The following TNFRSF8 variants were observed in gnomAD, a reference collection of about 807,000 sequenced individuals.
The protein encoded by TNFRSF8 is TNF receptor superfamily member 8, also known as tumor necrosis factor receptor superfamily member 8.
TNFRSF8 carries 26 observed loss-of-function variants against 70.8 expected under a neutral mutation model. That is an observed-to-expected ratio of 0.37 (90% CI 0.27 to 0.51). The LOEUF (loss-of-function observed/expected upper bound fraction) is 0.51, where lower values mean the gene tolerates loss of function less well. Among genes scored for constraint, TNFRSF8 ranks in the 20% least tolerant of loss-of-function variants. The probability of loss-of-function intolerance (pLI) is 0.94; values close to 1 mark genes in which losing one functional copy is unlikely to be tolerated. For missense variants in TNFRSF8, 720 were observed against 807.9 expected, an observed-to-expected ratio of 0.89 and a Z score of 1.32; for synonymous variants, 356 against 339.2, an observed-to-expected ratio of 1.05 and a Z score of -0.54.
chr1:12,125,210 A>G (rs762891193), intron 10 of TNFRSF8, among the ~76,000 whole-genome samples: 7 of 152,230 alleles, frequency 4.6e-5, no homozygotes, highest in Non-Finnish European at 8.8e-5. Flanking sequence ...CACTAGCTCT[A>G]TGATCTCTGT....
At chr1:12,091,030 A>T (rs1641240215) in intron 2 of TNFRSF8, among the ~76,000 whole-genome samples, 1 of 152,186 alleles carries the variant, frequency 6.6e-6, no homozygotes, top group Admixed American at 6.5e-5. Flanking sequence ...CAGAGACAAG[A>T]CTGTGGGAGG....
At position 12,067,818 on chromosome 1, in the gene TNFRSF8, A is replaced by G. The variant is rs565140740; in HGVS notation, c.63+4157A>G. On this transcript the variant is annotated intron_variant, in intron 1 of 14. Transcript: ENST00000263932. ...GAATTTCAGGGAGTGGCAAGAGGGCAGGAGAGATTTTCTGGTTTTGTTTTG... is the reference window on the plus strand; with the variant it reads ...GAATTTCAGGGAGTGGCAAGAGGGCGGGAGAGATTTTCTGGTTTTGTTTTG... Among the ~76,000 whole-genome samples, 35 of 147,532 alleles carry G rather than the reference A, an allele frequency of 2.4e-4. 3 individuals are homozygous for G. In the East Asian group the frequency reaches 7.2e-3, roughly 30 times the overall value.
At chr1:12,071,915 T>G (rs538340591) in intron 1 of TNFRSF8, among the ~76,000 whole-genome samples, 4 of 152,290 alleles carry the variant, frequency 2.6e-5, no homozygotes, top group Admixed American at 2.0e-4. Flanking sequence ...CAGGATGGTT[T>G]CGAACTCCTG....
At chr1:12,103,206 T>C (rs935028949) in intron 3 of TNFRSF8, among the ~76,000 whole-genome samples, 2 of 151,942 alleles carry the variant, frequency 1.3e-5, no homozygotes, top group Admixed American at 6.6e-5. Flanking sequence ...TCTATAAAAA[T>C]ACAAAAAATT....
At chr1:12,130,345 A>T (rs373333115) in intron 12 of TNFRSF8, among the ~76,000 whole-genome samples, 194 of 152,224 alleles carry the variant, frequency 1.3e-3, no homozygotes, top group African/African-American at 4.5e-3. Context: ...GGTCAGGGAG[A>T]GCCCCTTTAA....
intron 8 of TNFRSF8, among the ~76,000 whole-genome samples, chr1:12,116,972 G>A (rs1171217282): frequency 6.6e-6 from 1 of 152,010 alleles, no homozygotes; most frequent in African/African-American, 2.4e-5. Flanking sequence ...TAGTGGCCTG[G>A]GACTACTAAA....
In TNFRSF8 at chr1:12,138,192, G is replaced by A; in HGVS notation, c.1336-37G>A. The A allele has an allele frequency of 1.2e-6, 2 of 1,603,766 alleles. No individual in the cohort carries two copies. Among genetic ancestry groups the A allele is most frequent in the Non-Finnish European group, 8.5e-7 (1 of 1,172,938 alleles). The stretch of plus-strand genomic sequence containing the variant: ...AGTTCAGAGACTGGTGGGGAGGTTG[G>A]GGGTACCCTGCAGCAGCACCCATTC... On this transcript the variant is annotated intron_variant, in intron 13 of 14. Transcript: ENST00000263932. The surrounding 1 kb of genome is among the most constrained non-coding windows in gnomAD (Gnocchi z 5.7).
At position 12,126,893 on chromosome 1, in the gene TNFRSF8, A is replaced by G. The variant is rs960010878; in HGVS notation, c.1309+657A>G. Among the ~76,000 whole-genome samples, 5 of 152,138 alleles carry G rather than the reference A, an allele frequency of 3.3e-5. No homozygotes were observed. The East Asian group carries it at 7.7e-4, about 23-fold the overall frequency. The stretch of plus-strand genomic sequence containing the variant: ...TGCCTGCAATCGGTGGCTGCTGCCT[A>G]TTGACAGGCTGGCCTGTGCCTGGGG... On this transcript the variant is annotated intron_variant, in intron 12 of 14. Transcript: ENST00000263932.
chr1:12,104,747 G>C (rs1442757216), intron 4 of TNFRSF8, among the ~76,000 whole-genome samples: 1 of 152,208 alleles, frequency 6.6e-6, no homozygotes, highest in East Asian at 1.9e-4. Context: ...AGACCCTGCT[G>C]TCCCCTGGCA....
intron 7 of TNFRSF8, among the ~76,000 whole-genome samples, chr1:12,114,130 T>G (rs2101011111): frequency 6.6e-6 from 1 of 152,230 alleles, no homozygotes; most frequent in African/African-American, 2.4e-5. Flanking sequence ...AGAACCCGAG[T>G]GCCGGGTTCA....
In TNFRSF8 at chr1:12,141,467, C is replaced by T. The variant is rs548390326; in HGVS notation, c.1544-820C>T. ...CGAGGACCGGCCCTCCGTCCAAGCT[C>T]CCACCATGTGCTCACAGCACAGCCA... On this transcript the variant is annotated intron_variant, in intron 14 of 14. Transcript: ENST00000263932. This position sits in a 1 kb window ranked among gnomAD's most constrained non-coding sequence, Gnocchi z 5.4. Among the ~76,000 whole-genome samples, 2 of 152,378 alleles carry T rather than the reference C, an allele frequency of 1.3e-5. No homozygotes were observed. Among genetic ancestry groups the T allele is most frequent in the East Asian group, 3.9e-4 (2 of 5,188 alleles).
chr1:12,134,892 G>A (rs1485636371), intron 12 of TNFRSF8, among the ~76,000 whole-genome samples: 3 of 152,156 alleles, frequency 2.0e-5, no homozygotes, highest in East Asian at 1.9e-4. Flanking sequence ...AGCCACAGAC[G>A]AGCCTCTGAC....
chr1:12,122,807 C>G (rs946203926), intron 8 of TNFRSF8, among the ~76,000 whole-genome samples: 2 of 152,120 alleles, frequency 1.3e-5, no homozygotes, highest in African/African-American at 4.8e-5. Context: ...GTGACCACAG[C>G]TGTTAGAGAC....
At chr1:12,103,101 C>T (rs758368074) in intron 3 of TNFRSF8, among the ~76,000 whole-genome samples, 2 of 151,988 alleles carry the variant, frequency 1.3e-5, no homozygotes, top group Admixed American at 6.6e-5. Flanking sequence ...CAGTGGCTCA[C>T]GCCTGTAATC....
In TNFRSF8 at chr1:12,142,051, G is replaced by A. The variant is rs1391187255; in HGVS notation, c.1544-236G>A. ...CCCTACCCATCCGCAGAGATGTGCTGAGAAAATCCTAAGTACAAGTGGGCT... is the reference window on the plus strand; with the variant it reads ...CCCTACCCATCCGCAGAGATGTGCTAAGAAAATCCTAAGTACAAGTGGGCT... On this transcript the variant is annotated intron_variant, in intron 14 of 14. Coordinates refer to ENST00000263932, the MANE Select transcript of TNFRSF8 (RefSeq NM_001243.5). The surrounding 1 kb of genome is among the most constrained non-coding windows in gnomAD (Gnocchi z 5.0). 1.3e-5 allele frequency among the ~76,000 whole-genome samples: 2 copies of A among 152,212 alleles called. No homozygotes were observed. The highest frequency in any genetic ancestry group is 2.4e-5 in the African/African-American group (1 of 41,438).
intron 13 of TNFRSF8, among the ~76,000 whole-genome samples, chr1:12,137,538 C>T (rs1043934929): frequency 4.4e-5 from 5 of 114,824 alleles, no homozygotes. Flanking sequence ...CATGACATAG[C>T]TGTTTTTTTG....
chr1:12,097,127 C>T lies in TNFRSF8; in HGVS notation c.178C>T (p.Gln60Ter). 1 of 1,614,010 alleles carries T rather than the reference C, an allele frequency of 6.2e-7. No homozygotes were observed. Among genetic ancestry groups the T allele is most frequent in the Non-Finnish European group, 8.5e-7 (1 of 1,179,944 alleles). ...GCTGTTCCCGACACAGCAGTGCCCA[C>T]AGAGGCCTACTGACTGCAGGAAGCA... ...MGLFPTQQCPQRPTDCRKQCE... is the reference protein window; with the variant it reads ...MGLFPTQQCP The change falls in exon 3 of 15, where the codon CAG (glutamine) becomes TAG (stop). Residue 60 changes from glutamine to a stop codon, truncating the protein, a stop_gained. Coordinates refer to ENST00000263932, the MANE Select transcript of TNFRSF8 (RefSeq NM_001243.5). LOFTEE classifies it high-confidence loss of function.
chr1:12,083,863 T>C (rs1641106688), intron 1 of TNFRSF8, among the ~76,000 whole-genome samples: 2 of 152,256 alleles, frequency 1.3e-5, no homozygotes, highest in South Asian at 4.1e-4. Flanking sequence ...TGCGTAATTC[T>C]ACTTTATGTA....
chr1:12,131,939 G>A (rs959986343), intron 12 of TNFRSF8, among the ~76,000 whole-genome samples: 18 of 151,574 alleles, frequency 1.2e-4, no homozygotes, highest in Non-Finnish European at 1.3e-4. Flanking sequence ...GATTATAGGC[G>A]CGCGCCACCA....
Sources: allele counts gnomAD v4.1 joint callset (sites outside exome capture counted in the v4.1 genomes callset), GRCh38; gene constraint gnomAD v4.1.1; non-coding constraint Gnocchi (gnomAD v3.1); transcripts MANE v1.5; gene names NCBI Gene and HGNC (gene_info 2026-07-23, HGNC 2026-07-21).